ITFG2: variants seen among roughly 807,000 people sequenced by gnomAD.
ITFG2 encodes integrin alpha FG-GAP repeat containing 2.
In ITFG2, 36 loss-of-function variants were observed where a neutral mutation model predicts 54.4. The ratio of observed to expected loss-of-function variants is 0.66; its 90% confidence interval spans 0.51 to 0.87. The LOEUF (loss-of-function observed/expected upper bound fraction) is 0.87. ITFG2 is among the 40% of genes least tolerant of loss of function. ITFG2 has a pLI of 0.00. For missense variants in ITFG2, 524 were observed against 576.7 expected (o/e 0.91, Z 0.94); for synonymous variants, 211 against 225.4 (o/e 0.94, Z 0.57).
chr12:2,820,039 G>T, intron 4 of ITFG2, 47 bp from the exon 5 acceptor site: 3 of 1,566,420 alleles, frequency 1.9e-6, no homozygotes, highest in East Asian at 2.3e-5. Context: ...GAGGAGCGGG[G>T]GCTGCTCGTG....
At chr12:2,850,571 C>T (rs151162410) in intron 2 of ITFG2, among the ~76,000 whole-genome samples, 31 of 152,052 alleles carry the variant, frequency 2.0e-4, no homozygotes, top group African/African-American at 6.7e-4. Context: ...ATCATGCTTA[C>T]ATCTCATTCT....
At chr12:2,830,961 C>T, downstream of ITFG2, 2 of 1,304,058 alleles carry the variant, frequency 1.5e-6, no homozygotes, top group South Asian at 2.8e-5. Context: ...CCCCCCACCC[C>T]CCCAGCCCTG....
upstream of ITFG2, chr12:2,834,985 C>T (rs746440303): frequency 6.4e-7 from 1 of 1,558,786 alleles, no homozygotes; most frequent in Middle Eastern, 1.7e-4. Flanking sequence ...AAATAACATG[C>T]AGGAGCAGCC....
downstream of ITFG2, chr12:2,827,206 G>A: frequency 6.2e-7 from 1 of 1,614,108 alleles, no homozygotes; most frequent in Non-Finnish European, 8.5e-7. This position sits in a 1 kb window ranked among gnomAD's most constrained non-coding sequence, Gnocchi z 4.0. Context: ...TGAGACAGCA[G>A]TCACTGGCCA....
At chr12:2,848,871 A>ACACGCG (rs1555092584) in intron 2 of ITFG2, among the ~76,000 whole-genome samples, 3 of 111,210 alleles carry the variant, frequency 2.7e-5, no homozygotes, top group African/African-American at 4.0e-5. Context: ...CAACAGACAC[A>ACACGCG]CACACGCACA....
At chr12:2,858,964 G>A (rs2098100568) in intron 3 of ITFG2, 1 of 1,613,526 alleles carries the variant, frequency 6.2e-7, no homozygotes, top group Non-Finnish European at 8.5e-7. Context: ...AGATCCATCA[G>A]CCCCAGGGGG....
chr12:2,855,279 C>A, intron 2 of ITFG2: 1 of 1,517,820 alleles, frequency 6.6e-7, no homozygotes, highest in Non-Finnish European at 8.8e-7. Flanking sequence ...GGTGGATGAG[C>A]CGCTGACGCA....
At chr12:2,829,692 A>T (rs1037617475), downstream of ITFG2, among the ~76,000 whole-genome samples, 1 of 152,156 alleles carries the variant, frequency 6.6e-6, no homozygotes, top group Admixed American at 6.6e-5. Flanking sequence ...GCTTGAGTCC[A>T]GGAGGTTGAG....
Position 2,812,749 on chromosome 12 carries a change from C to T in ITFG2, c.-12C>T. 1.3e-6 allele frequency: 2 copies of T among 1,598,518 alleles called. No individual in the cohort carries two copies. The highest frequency in any genetic ancestry group is 1.7e-6 in the Non-Finnish European group (2 of 1,166,760). On this transcript the variant is annotated 5_prime_UTR_variant, in exon 1 of 12. Transcript: ENST00000228799. ...ACTGGGCCTCTCCGCTCCCTCTGCT[C>T]TTGGAGGTGCCATGAGGTCAGTTAG...
chr12:2,823,711 G>T (rs1177916744), intron 10 of ITFG2, 59 bp from the exon 11 acceptor site: 5 of 1,501,762 alleles, frequency 3.3e-6, no homozygotes, highest in Non-Finnish European at 3.6e-6. Flanking sequence ...CTTGCTGTCT[G>T]CCCCCCACTG....
At chr12:2,842,467 T>C (rs1338988698) in intron 2 of ITFG2, among the ~76,000 whole-genome samples, 2 of 149,818 alleles carry the variant, frequency 1.3e-5, no homozygotes, top group African/African-American at 2.4e-5. Flanking sequence ...TTAGGCCGGG[T>C]GTGGTGGCTC....
chr12:2,828,047 C>T (rs772208890), downstream of ITFG2: 1 of 1,612,630 alleles, frequency 6.2e-7, no homozygotes. Context: ...TTTTCTCTAA[C>T]CTGTGGTTGG....
At position 2,814,975 on chromosome 12, in the gene ITFG2, GA is replaced by G. The variant is rs1034379557; in HGVS notation, c.96+2120del. ...ACAATTATAACAATTAAAAAATAAA[GA>G]TTTTTTTTTTTTTTGAGACGGAGTT... is the stretch of plus-strand genomic sequence containing the variant. On this transcript the variant is annotated intron_variant, in intron 1 of 11. Transcript: ENST00000228799. 1.1e-4 allele frequency among the ~76,000 whole-genome samples: 16 copies of G among 151,770 alleles called. No homozygotes were observed. The East Asian group carries it at 1.4e-3, about 13-fold the overall frequency.
chr12:2,819,815 G>A, intron 4 of ITFG2: 1 of 297,998 alleles, frequency 3.4e-6, no homozygotes, highest in Non-Finnish European at 6.2e-6. Flanking sequence ...TGTAGGTGGT[G>A]GGAGATACGT....
In ITFG2 at chr12:2,818,280, G is replaced by T; in HGVS notation, c.406+3G>T. ...GGTCATGCTGATCAGCGACATCGGTGGGCATGCCTACCTTTGCAGGCAGCC... is the reference window on the plus strand; with the variant it reads ...GGTCATGCTGATCAGCGACATCGGTTGGCATGCCTACCTTTGCAGGCAGCC... On this transcript the variant is annotated splice_donor_region_variant and intron_variant, in intron 4 of 11. Transcript: ENST00000228799. 1.2e-6 allele frequency: 2 copies of T among 1,612,026 alleles called. No individual in the cohort carries two copies. The highest frequency in any genetic ancestry group is 2.2e-5 in the South Asian group (2 of 91,074).
At chr12:2,819,626 C>CA (rs200377386) in intron 4 of ITFG2, 24,301 of 136,496 alleles carry the variant, frequency 0.18, 2,134 homozygotes, top group South Asian at 0.35. Flanking sequence ...GACTCTGTCT[C>CA]AAAAAAAAAA....
chr12:2,830,421 A>G (rs1424504128), intron 2 of ITFG2: 1 of 303,138 alleles, frequency 3.3e-6, no homozygotes, highest in African/African-American at 2.2e-5. Flanking sequence ...CACACACACC[A>G]TTTGTCTGTG....
chr12:2,849,086 T>C, intron 2 of ITFG2: 1 of 795,228 alleles, frequency 1.3e-6, no homozygotes, highest in Non-Finnish European at 1.9e-6. Flanking sequence ...CAGAGGTGGC[T>C]TGAGGCTGGG....
chr12:2,818,482 C>A, intron 4 of ITFG2: 1 of 960,998 alleles, frequency 1.0e-6, no homozygotes, highest in Non-Finnish European at 1.5e-6. Flanking sequence ...CCCTCCTGGG[C>A]CTTATTATGA....
Sources: gnomAD v4.1 joint callset for allele counts (sites outside exome capture counted in the v4.1 genomes callset) on GRCh38, gnomAD v4.1.1 for gene constraint, Gnocchi (gnomAD v3.1) non-coding constraint, MANE v1.5 for transcripts, NCBI Gene and HGNC (gene_info 2026-07-23, HGNC 2026-07-21) for gene names.